The following PTK2 variants were observed in gnomAD, a reference collection of about 807,000 sequenced individuals.
The protein encoded by PTK2 is protein tyrosine kinase 2, also known as focal adhesion kinase 1.
A neutral mutation model predicts 150.1 loss-of-function variants in PTK2; 45 were observed. The observed-to-expected ratio is 0.30, with a 90% CI of 0.24 to 0.38. The LOEUF (loss-of-function observed/expected upper bound fraction) is 0.38, where lower values mean the gene tolerates loss of function less well. Among genes scored for constraint, PTK2 ranks in the 10% least tolerant of loss-of-function variants. The pLI is 1.00. For synonymous variants in PTK2, 432 were observed against 449.2 expected (o/e 0.96, Z 0.48); for missense variants, 919 against 1,307.3 (o/e 0.70, Z 4.58).
At chr8:140,887,703 AT>A (rs2100152820) in intron 3 of PTK2, among the ~76,000 whole-genome samples, 1 of 152,236 alleles carries the variant, frequency 6.6e-6, no homozygotes, top group African/African-American at 2.4e-5. Context: ...CAGTAAAAAA[AT>A]AAAATAAAAA....
intron 8 of PTK2, among the ~76,000 whole-genome samples, chr8:140,820,076 G>GTTTTTTTGTTTTTTTTTT (rs2100107286): frequency 2.0e-5 from 1 of 50,194 alleles, no homozygotes; most frequent in Non-Finnish European, 4.2e-5. Context: ...TCTGACTTTG[G>GTTTTTTTGTTTTTTTTTT]TTTTTTTTTT....
At chr8:140,915,084 C>A (rs59000609) in intron 2 of PTK2, among the ~76,000 whole-genome samples, 4,790 of 147,392 alleles carry the variant, frequency 0.032, 270 homozygotes, top group African/African-American at 0.11. Flanking sequence ...ACTGGGAATG[C>A]AGCAATGAGC....
intron 14 of PTK2, among the ~76,000 whole-genome samples, chr8:140,772,212 G>A (rs2100075899): frequency 6.6e-6 from 1 of 152,210 alleles, no homozygotes; most frequent in South Asian, 2.1e-4. Flanking sequence ...TGGTCTCTCA[G>A]TTAAGAAGAT....
At chr8:140,700,199 G>C (rs1019790657) in intron 26 of PTK2, among the ~76,000 whole-genome samples, 2 of 152,086 alleles carry the variant, frequency 1.3e-5, no homozygotes, top group African/African-American at 4.8e-5. Context: ...GGCCCTTAAG[G>C]GTTTTGGATA....
chr8:140,670,263 C>T (rs2094765892), intron 29 of PTK2: 1 of 152,514 alleles, frequency 6.6e-6, no homozygotes, highest in Admixed American at 6.6e-5. Context: ...TAGGCCCAGC[C>T]TGGCCAACAT....
rs530577669 is a variant in PTK2, at chr8:140,861,998, T to C, written c.450+2314A>G. 3.9e-5 allele frequency among the ~76,000 whole-genome samples: 6 copies of C among 152,324 alleles called. No individual in the cohort carries two copies. In the South Asian group the frequency reaches 1.2e-3, roughly 32 times the overall value. On this transcript the variant is annotated intron_variant, in intron 5 of 31. Coordinates refer to ENST00000522684, the Ensembl canonical transcript of PTK2. ...GAATTCTATAGACTACCATAAAATATATCCTATTAGTAAAAGAAAATCTGG... is the reference window on the plus strand; with the variant it reads ...GAATTCTATAGACTACCATAAAATACATCCTATTAGTAAAAGAAAATCTGG...
chr8:140,942,878 A>G (rs1359135389), intron 1 of PTK2, among the ~76,000 whole-genome samples: 2 of 152,156 alleles, frequency 1.3e-5, no homozygotes, highest in Non-Finnish European at 2.9e-5. Flanking sequence ...CGTATTCCTC[A>G]TGAATGGCTT....
chr8:140,709,785 G>A (rs183072621), intron 23 of PTK2, among the ~76,000 whole-genome samples: 1 of 152,272 alleles, frequency 6.6e-6, no homozygotes, highest in African/African-American at 2.4e-5. Context: ...ATATGGAACA[G>A]GGAAGTTTTG....
At chr8:140,715,441 G>T (rs62524075) in intron 23 of PTK2, among the ~76,000 whole-genome samples, 13,873 of 151,830 alleles carry the variant, frequency 0.091, 768 homozygotes, top group Middle Eastern at 0.14. Context: ...CAAAGTGCTG[G>T]GATTACAGGG....
intron 27 of PTK2, among the ~76,000 whole-genome samples, chr8:140,681,393 C>T (rs1391637691): frequency 1.3e-5 from 2 of 151,382 alleles, no homozygotes; most frequent in African/African-American, 4.9e-5. Flanking sequence ...AATTAATAAC[C>T]TAACATCACG....
chr8:140,664,835 G>T, intron 31 of PTK2, 82 bp downstream of exon 35: 1 of 1,367,784 alleles, frequency 7.3e-7, no homozygotes, highest in Non-Finnish European at 1.0e-6. Context: ...CTGAGGAGCG[G>T]CCTTCAGCAC....
chr8:140,725,973 G>A lies in PTK2; in HGVS notation c.2031-8264C>T, dbSNP rs939474355. Among the ~76,000 whole-genome samples the A allele has an allele frequency of 1.3e-4, 20 of 152,054 alleles. No homozygotes were observed. In the Middle Eastern group the frequency reaches 0.01, roughly 78 times the overall value. On this transcript the variant is annotated intron_variant, in intron 22 of 31. Transcript: ENST00000522684. The stretch of plus-strand genomic sequence containing the variant: ...TTAAAAGAAGCTATTATATTCAAGG[G>A]TATAAAAGAAAATTTATTCATAATG...
chr8:140,883,232 C>T lies in PTK2; in HGVS notation c.196-3595G>A, dbSNP rs187309227. 2.0e-4 allele frequency among the ~76,000 whole-genome samples: 30 copies of T among 152,306 alleles called. No homozygotes were observed. The East Asian group carries it at 5.2e-3, about 26-fold the overall frequency. ...TCATGAACATCTGAAGTGCCTACTA[C>T]ATGCATGATGCTAGTGACACAATAA... On this transcript the variant is annotated intron_variant, in intron 3 of 31. Coordinates refer to ENST00000522684, the Ensembl canonical transcript of PTK2.
chr8:140,821,132 G>A (rs1026316832), intron 8 of PTK2: 2 of 152,420 alleles, frequency 1.3e-5, no homozygotes, highest in African/African-American at 4.8e-5. Flanking sequence ...AATAAGACCA[G>A]AGTGAGAGGT....
At chr8:140,707,071 A>T (rs752729856) in intron 23 of PTK2, among the ~76,000 whole-genome samples, 14 of 152,360 alleles carry the variant, frequency 9.2e-5, no homozygotes, top group Admixed American at 1.3e-4. Flanking sequence ...AATTTTTGAA[A>T]CATTCTAAGT....
chr8:140,675,817 T>C (rs1327837415), intron 27 of PTK2: 3 of 214,314 alleles, frequency 1.4e-5, no homozygotes, highest in Non-Finnish European at 2.8e-5. Flanking sequence ...ACAACCTCTA[T>C]GGAAAATGAA....
chr8:140,989,910 CAA>C (rs11400792), intron 1 of PTK2, among the ~76,000 whole-genome samples: 96 of 136,026 alleles, frequency 7.1e-4, no homozygotes, highest in Non-Finnish European at 9.2e-4. Flanking sequence ...CTCTTTGTCT[CAA>C]AAAAAAAAAA....
intron 13 of PTK2, among the ~76,000 whole-genome samples, chr8:140,791,746 G>A (rs993659774): frequency 5.3e-5 from 8 of 152,222 alleles, no homozygotes; most frequent in African/African-American, 1.9e-4. Flanking sequence ...GCAACGAAAA[G>A]GGGGTTGGAA....
intron 1 of PTK2, among the ~76,000 whole-genome samples, chr8:140,977,657 A>G (rs1471470633): frequency 6.6e-6 from 1 of 152,092 alleles, no homozygotes; most frequent in Non-Finnish European, 1.5e-5. Context: ...TGATCGTCCA[A>G]CTGGACTCCA....
Sources: gnomAD v4.1 joint callset for allele counts (sites outside exome capture counted in the v4.1 genomes callset) on GRCh38, gnomAD v4.1.1 for gene constraint, MANE v1.5 for transcripts, NCBI Gene and HGNC (gene_info 2026-07-23, HGNC 2026-07-21) for gene names.